The following RGS6 variants were observed in gnomAD, a reference collection of about 807,000 sequenced individuals.
RGS6 encodes regulator of G protein signaling 6.
Under a neutral mutation model 78.5 loss-of-function variants are expected in RGS6, and 30 were observed. The observed-to-expected ratio is 0.38, with a 90% CI of 0.29 to 0.52. The LOEUF is 0.52. RGS6 is among the 20% of genes least tolerant of loss of function. RGS6 has a pLI of 0.85. For synonymous variants in RGS6, 206 were observed against 206.0 expected, an observed-to-expected ratio of 1.00 and a Z score of 0.00; for missense variants, 495 against 609.7, an observed-to-expected ratio of 0.81 and a Z score of 1.98.
Position 72,203,332 on chromosome 14 carries a change from T to A in RGS6, c.85-148763T>A, listed in dbSNP as rs115186925. Among the ~76,000 whole-genome samples, 1,388 of 152,304 alleles carry A rather than the reference T, an allele frequency of 9.1e-3. 22 individuals are homozygous for A. Among genetic ancestry groups the A allele is most frequent in the African/African-American group, 0.031 (1,278 of 41,556 alleles). The stretch of plus-strand genomic sequence containing the variant: ...CCTCAGACTCTGGAGACAAGCAAAA[T>A]TGAGTTTAAATCCCATCTTTGCCAG... On this transcript the variant is annotated intron_variant, in intron 2 of 17. Coordinates refer to ENST00000553525, the MANE Select transcript of RGS6 (RefSeq NM_001204424.2).
chr14:71,950,949 ATTG>A (rs1340717077), intron 1 of RGS6, among the ~76,000 whole-genome samples: 5 of 152,170 alleles, frequency 3.3e-5, no homozygotes, highest in Non-Finnish European at 5.9e-5. Flanking sequence ...ATGCTTTTAC[ATTG>A]TTGGTGGGAG....
intron 2 of RGS6, among the ~76,000 whole-genome samples, chr14:72,018,474 A>G (rs2087593837): frequency 6.6e-6 from 1 of 152,132 alleles, no homozygotes; most frequent in South Asian, 2.1e-4. Flanking sequence ...TCCAGGACCA[A>G]TTTTTATGTG....
chr14:72,456,739 C>A (rs2095640517), intron 4 of RGS6, among the ~76,000 whole-genome samples: 1 of 152,068 alleles, frequency 6.6e-6, no homozygotes, highest in Admixed American at 6.5e-5. Flanking sequence ...GATGATGAAA[C>A]TTCTGTTCTA....
intron 3 of RGS6, among the ~76,000 whole-genome samples, chr14:72,403,154 T>G (rs769969723): frequency 2.6e-5 from 4 of 152,266 alleles, no homozygotes; most frequent in Admixed American, 6.5e-5. Context: ...CTGCACCCCA[T>G]GTTTATCACA....
intron 12 of RGS6, among the ~76,000 whole-genome samples, chr14:72,491,722 A>G (rs918194990): frequency 1.3e-5 from 2 of 152,224 alleles, no homozygotes; most frequent in Non-Finnish European, 2.9e-5. Flanking sequence ...ATAGGGACAG[A>G]GTAAAGAACA....
chr14:72,325,343 A>G (rs558649386), intron 2 of RGS6, among the ~76,000 whole-genome samples: 2 of 152,200 alleles, frequency 1.3e-5, no homozygotes, highest in South Asian at 4.2e-4. Context: ...ACTGTGCAGA[A>G]GCTCTTTAGT....
chr14:71,897,014 C>G, the RGS6 span, among the ~76,000 whole-genome samples: 1 of 152,184 alleles, frequency 6.6e-6, no homozygotes, highest in African/African-American at 2.4e-5. Flanking sequence ...TGTTCTTCTC[C>G]CTTGTTGCAC....
the RGS6 span, among the ~76,000 whole-genome samples, chr14:71,903,310 A>C: frequency 2.0e-5 from 3 of 152,082 alleles, no homozygotes; most frequent in Non-Finnish European, 4.4e-5. Context: ...TATGAATCTC[A>C]TCTCCCTCTT....
chr14:72,520,203 C>T (rs146684254), intron 15 of RGS6, among the ~76,000 whole-genome samples: 96 of 152,276 alleles, frequency 6.3e-4, no homozygotes, highest in Admixed American at 1.0e-3. Context: ...TATCCTTTAT[C>T]TCCCTCCCTT....
intron 2 of RGS6, among the ~76,000 whole-genome samples, chr14:72,195,229 A>T (rs1187462827): frequency 6.6e-6 from 1 of 152,092 alleles, no homozygotes; most frequent in Non-Finnish European, 1.5e-5. Context: ...AGAATAAAGA[A>T]ATAAAAGTGG....
At chr14:72,243,408 C>A (rs35025450) in intron 2 of RGS6, among the ~76,000 whole-genome samples, 5,983 of 151,980 alleles carry the variant, frequency 0.039, 161 homozygotes, top group South Asian at 0.062. Flanking sequence ...GTGGATAATA[C>A]AGTGTGAGAG....
intron 2 of RGS6, among the ~76,000 whole-genome samples, chr14:72,092,799 T>A (rs145369873): frequency 3.8e-4 from 58 of 152,358 alleles, no homozygotes; most frequent in Middle Eastern, 6.8e-3. Flanking sequence ...GTTTCCCCTA[T>A]TATTAGCACC....
At chr14:71,878,593 T>C in the RGS6 span, among the ~76,000 whole-genome samples, 1 of 152,218 alleles carries the variant, frequency 6.6e-6, no homozygotes, top group East Asian at 1.9e-4. Context: ...ACAGCTTCCC[T>C]TGGCTAGGAA....
the RGS6 span, among the ~76,000 whole-genome samples, chr14:71,909,576 T>TAAAGAGAG: frequency 6.8e-6 from 1 of 146,014 alleles, no homozygotes; most frequent in Admixed American, 6.8e-5. Flanking sequence ...AATAAGGACA[T>TAAAGAGAG]AGAGAGAGGG....
intron 7 of RGS6, chr14:72,469,726 G>A (rs771993690): frequency 5.9e-5 from 17 of 289,774 alleles, no homozygotes; most frequent in Non-Finnish European, 8.9e-5. Flanking sequence ...AACAAGTGCT[G>A]TGTGAGTTGC....
At chr14:72,612,738 A>G in the RGS6 span, 3 of 402,478 alleles carry the variant, frequency 7.5e-6, no homozygotes, top group South Asian at 5.5e-5. Flanking sequence ...CTTTTGAAGT[A>G]CCCAACTATT....
intron 2 of RGS6, among the ~76,000 whole-genome samples, chr14:72,271,684 G>A (rs1441685677): frequency 2.0e-5 from 3 of 152,208 alleles, no homozygotes; most frequent in Non-Finnish European, 4.4e-5. Context: ...ATTACCACAA[G>A]CTTAATGGCT....
chr14:71,872,807 G>A, the RGS6 span, among the ~76,000 whole-genome samples: 3 of 151,924 alleles, frequency 2.0e-5, no homozygotes, highest in East Asian at 1.9e-4. Flanking sequence ...CCCATCCCAC[G>A]ACAGGCCCCG....
intron 2 of RGS6, among the ~76,000 whole-genome samples, chr14:72,066,472 ATATAT>A (rs1202314790): frequency 2.0e-5 from 3 of 150,052 alleles, no homozygotes; most frequent in South Asian, 2.1e-4. Context: ...ATATATAAAG[ATATAT>A]TTTATTTAAT....
Sources: allele counts gnomAD v4.1 joint callset (sites outside exome capture counted in the v4.1 genomes callset), GRCh38; gene constraint gnomAD v4.1.1; transcripts MANE v1.5; gene names NCBI Gene and HGNC (gene_info 2026-07-23, HGNC 2026-07-21).